AFG1L: variants seen among roughly 807,000 people sequenced by gnomAD.
AFG1L encodes AFG1 like ATPase, also known as AFG1-like ATPase.
Under a neutral mutation model 62.2 loss-of-function variants are expected in AFG1L, and 53 were observed. The observed-to-expected ratio is 0.85, with a 90% CI of 0.68 to 1.07. The LOEUF (loss-of-function observed/expected upper bound fraction) is 1.07, where lower values mean the gene tolerates loss of function less well. Ranked by LOEUF, AFG1L falls within the 50% of genes least tolerant of loss-of-function variation. The pLI, the probability that AFG1L is intolerant of heterozygous loss-of-function variation, is 0.00. For synonymous variants in AFG1L, 228 were observed against 210.3 expected, an observed-to-expected ratio of 1.08 and a Z score of -0.73; for missense variants, 555 against 590.5, an observed-to-expected ratio of 0.94 and a Z score of 0.62.
At position 108,454,396 on chromosome 6, in the gene AFG1L, T is replaced by C. The variant is rs567810145; in HGVS notation, c.890+7100T>C. Among the ~76,000 whole-genome samples the C allele has an allele frequency of 2.0e-5, 3 of 152,326 alleles. 1 individual carries two copies. The South Asian group carries it at 6.2e-4, about 32-fold the overall frequency. ...GTTTTTTTGGCCTTTGAGGGCCCAT[T>C]AGGTGACAAAGATAGCACCTGATCA... On this transcript the variant is annotated intron_variant, in intron 8 of 12. Transcript: ENST00000368977.
chr6:108,502,977 A>G (rs1179042505), intron 10 of AFG1L, among the ~76,000 whole-genome samples: 1 of 152,202 alleles, frequency 6.6e-6, no homozygotes, highest in East Asian at 1.9e-4. Context: ...CTCATCCATA[A>G]GAAGCAACTC....
chr6:108,330,953 A>T (rs900559936), intron 2 of AFG1L, among the ~76,000 whole-genome samples: 4 of 152,294 alleles, frequency 2.6e-5, no homozygotes. Flanking sequence ...AGGATTTATG[A>T]TTTTATGAAC....
At chr6:108,477,586 A>G (rs1421833239) in intron 10 of AFG1L, among the ~76,000 whole-genome samples, 5 of 152,314 alleles carry the variant, frequency 3.3e-5, no homozygotes, top group Admixed American at 6.5e-5. Context: ...AAAGTCAAAC[A>G]TAAGAGATTT....
At chr6:108,512,047 G>A (rs1336754596) in intron 11 of AFG1L, among the ~76,000 whole-genome samples, 1 of 152,162 alleles carries the variant, frequency 6.6e-6, no homozygotes, top group East Asian at 1.9e-4. Context: ...ATCCTCTGAG[G>A]GCCACCTATG....
chr6:108,518,152 G>A (rs549888892), intron 11 of AFG1L, among the ~76,000 whole-genome samples: 2 of 152,198 alleles, frequency 1.3e-5, no homozygotes, highest in South Asian at 4.1e-4. Context: ...CCCATTACTG[G>A]GTATACACCC....
intron 10 of AFG1L, among the ~76,000 whole-genome samples, chr6:108,501,880 T>C (rs566782868): frequency 3.9e-5 from 6 of 152,256 alleles, no homozygotes; most frequent in Non-Finnish European, 8.8e-5. Context: ...ATGTTTATAC[T>C]GTAGTCTATT....
At chr6:108,303,680 T>G (rs979691454) in intron 1 of AFG1L, among the ~76,000 whole-genome samples, 2 of 152,224 alleles carry the variant, frequency 1.3e-5, no homozygotes, top group Admixed American at 6.6e-5. Flanking sequence ...TTCAACAAGT[T>G]TTTAAGCCTG....
At chr6:108,367,165 C>T (rs1472163721) in intron 6 of AFG1L, among the ~76,000 whole-genome samples, 1 of 152,118 alleles carries the variant, frequency 6.6e-6, no homozygotes, top group Non-Finnish European at 1.5e-5. Context: ...ATTGTCTGTT[C>T]CCTTCCAGGA....
intron 1 of AFG1L, among the ~76,000 whole-genome samples, chr6:108,304,084 C>A (rs1005202448): frequency 1.3e-5 from 2 of 152,122 alleles, no homozygotes; most frequent in Admixed American, 1.3e-4. Context: ...AGAATGGTAA[C>A]CACCAAGCAT....
chr6:108,407,506 C>G (rs1781909481), intron 7 of AFG1L, among the ~76,000 whole-genome samples: 1 of 151,924 alleles, frequency 6.6e-6, no homozygotes. Context: ...TAGTGAGTGC[C>G]CATCTTTACA....
chr6:108,305,892 G>C (rs775512237), intron 1 of AFG1L, among the ~76,000 whole-genome samples: 27 of 152,068 alleles, frequency 1.8e-4, no homozygotes, highest in Non-Finnish European at 3.2e-4. Context: ...TCTAAAGATA[G>C]CTTTTTGTTT....
intron 2 of AFG1L, among the ~76,000 whole-genome samples, chr6:108,345,405 G>T (rs1168593483): frequency 2.0e-5 from 3 of 151,822 alleles, no homozygotes; most frequent in African/African-American, 7.3e-5. Context: ...TGTTGTCCAG[G>T]CTGGAGTGCA....
rs570880428 is a variant in AFG1L at position 108,467,609 on chromosome 6, A to G, written c.891-9256A>G. ...TTAATGGTCTTATGTTTTCCACTTT[A>G]CATGTCTGTATCAGGTAGAGATCAC... On this transcript the variant is annotated intron_variant, in intron 8 of 12. Coordinates refer to ENST00000368977, the MANE Select transcript of AFG1L (RefSeq NM_145315.5). 4.6e-5 allele frequency among the ~76,000 whole-genome samples: 7 copies of G among 152,306 alleles called. 1 individual carries two copies. In the South Asian group the frequency reaches 1.4e-3, roughly 32 times the overall value.
intron 7 of AFG1L, among the ~76,000 whole-genome samples, chr6:108,415,562 C>T (rs1428226723): frequency 6.6e-6 from 1 of 152,148 alleles, no homozygotes; most frequent in Non-Finnish European, 1.5e-5. Context: ...GGTGCTGGTA[C>T]CAAAACAGAT....
At chr6:108,377,746 A>G (rs1780310328) in intron 6 of AFG1L, among the ~76,000 whole-genome samples, 1 of 150,842 alleles carries the variant, frequency 6.6e-6, no homozygotes, top group Non-Finnish European at 1.5e-5. Context: ...TTTTGTATAT[A>G]GTATCTTGCA....
At chr6:108,316,218 A>G (rs1467383521) in intron 1 of AFG1L, among the ~76,000 whole-genome samples, 1 of 149,820 alleles carries the variant, frequency 6.7e-6, no homozygotes, top group Non-Finnish European at 1.5e-5. Flanking sequence ...CGTCTCTACT[A>G]AAAATACAAA....
intron 1 of AFG1L, among the ~76,000 whole-genome samples, chr6:108,320,995 C>T (rs1283341738): frequency 6.6e-6 from 1 of 152,088 alleles, no homozygotes; most frequent in Admixed American, 6.6e-5. Context: ...GCGTTTTTCT[C>T]TTGTGAGATT....
chr6:108,522,220 T>A lies in AFG1L; in HGVS notation c.1318-77T>A. On this transcript the variant is annotated intron_variant, in intron 12 of 12. Transcript: ENST00000368977. The stretch of plus-strand genomic sequence containing the variant: ...ATCTAAACCGGTAAGCCTAAAAAGT[T>A]TTTTTAAACCTATACTTAGGTTCTG... 3 of 1,459,032 alleles carry A rather than the reference T, an allele frequency of 2.1e-6. No homozygotes were observed. In the South Asian group the frequency reaches 3.7e-5, roughly 18 times the overall value. 90.4% of individuals were successfully genotyped at this position (1,459,032 alleles called of 1,614,324 possible). A position where few individuals can be genotyped will look rare whatever the true frequency, so the allele number is the denominator to read the frequency against.
At chr6:108,467,365 C>T (rs919634179) in intron 8 of AFG1L, among the ~76,000 whole-genome samples, 1 of 151,768 alleles carries the variant, frequency 6.6e-6, no homozygotes, top group Non-Finnish European at 1.5e-5. Context: ...TCTGCCTCAG[C>T]CTGCCAAGTA....
Sources: allele counts gnomAD v4.1 joint callset (sites outside exome capture counted in the v4.1 genomes callset), GRCh38; gene constraint gnomAD v4.1.1; transcripts MANE v1.5; gene names NCBI Gene and HGNC (gene_info 2026-07-23, HGNC 2026-07-21).